BCAS3: variants seen among roughly 807,000 people sequenced by gnomAD.
The protein encoded by BCAS3 is BCAS3 microtubule associated cell migration factor, also known as BCAS4/BCAS3 fusion.
Under a neutral mutation model 116.1 loss-of-function variants are expected in BCAS3, and 53 were observed. The observed-to-expected ratio is 0.46, with a 90% CI of 0.37 to 0.57. BCAS3 has a LOEUF of 0.57. BCAS3 is among the 20% of genes least tolerant of loss of function. The pLI, the probability that BCAS3 is intolerant of heterozygous loss-of-function variation, is 0.00. For missense variants in BCAS3, 917 were observed against 1,165.4 expected, an observed-to-expected ratio of 0.79 and a Z score of 3.10; for synonymous variants, 391 against 408.2, an observed-to-expected ratio of 0.96 and a Z score of 0.51.
intron 22 of BCAS3, among the ~76,000 whole-genome samples, chr17:61,109,344 C>T (rs889457863): frequency 1.3e-5 from 2 of 151,210 alleles, no homozygotes; most frequent in Admixed American, 6.6e-5. Flanking sequence ...TTTATCTACT[C>T]GCTGATTAAT....
chr17:61,340,501 G>C (rs767284471), intron 22 of BCAS3, among the ~76,000 whole-genome samples: 64 of 152,326 alleles, frequency 4.2e-4, no homozygotes, highest in South Asian at 2.1e-3. Context: ...GAGGGTGAAA[G>C]AGTGAATGCG....
rs1414443338 is a variant in BCAS3, at chr17:61,233,228, G to A, written c.2426-135099G>A. Reference sequence around the variant, plus strand: ...GAGGTGATAAAGATTAGAGCTGATTGGGAAGGTTCTGAATGCCCAAGTTTC... The same window carrying A: ...GAGGTGATAAAGATTAGAGCTGATTAGGAAGGTTCTGAATGCCCAAGTTTC... On this transcript the variant is annotated intron_variant, in intron 22 of 23. Transcript: ENST00000407086. This position sits in a 1 kb window ranked among gnomAD's most constrained non-coding sequence, Gnocchi z 4.3. Among the ~76,000 whole-genome samples the A allele has an allele frequency of 6.6e-6, 1 of 152,172 alleles. No individual in the cohort carries two copies. The highest frequency in any genetic ancestry group is 1.5e-5 in the Non-Finnish European group (1 of 68,018).
rs527958277 is a variant in BCAS3 at position 61,076,390 on chromosome 17, G to A, written c.2130+1370G>A. Among the ~76,000 whole-genome samples the A allele has an allele frequency of 2.2e-4, 34 of 152,292 alleles. No homozygotes were observed. The South Asian group carries it at 7.0e-3, about 32-fold the overall frequency. On this transcript the variant is annotated intron_variant, in intron 20 of 23. Transcript: ENST00000407086. ...AAACTGGAAAATCAAGCAGTGTCTA[G>A]GTAACATGTATTTATTTCATCACAC... is the stretch of plus-strand genomic sequence containing the variant.
intron 5 of BCAS3, among the ~76,000 whole-genome samples, chr17:60,726,430 C>T (rs1335255222): frequency 1.1e-4 from 16 of 151,624 alleles, no homozygotes; most frequent in African/African-American, 3.4e-4. Context: ...GAACTCCTGA[C>T]CTCAGGTGAT....
chr17:61,045,845 CTCTCTA>C (rs1162069384), intron 19 of BCAS3, among the ~76,000 whole-genome samples: 1 of 3,704 alleles, frequency 2.7e-4, no homozygotes, highest in African/African-American at 9.2e-4. Flanking sequence ...CTCTCTCTCT[CTCTCTA>C]TATATATATA....
Position 61,332,437 on chromosome 17 carries a change from A to C in BCAS3, c.2426-35890A>C, listed in dbSNP as rs1568872956. Reference sequence around the variant, plus strand: ...CTTGCCATGTTTGTGAGGGGCAAACACTTCACTGGTTGGTAGGGCTTATGG... The same window carrying C: ...CTTGCCATGTTTGTGAGGGGCAAACCCTTCACTGGTTGGTAGGGCTTATGG... On this transcript the variant is annotated intron_variant, in intron 22 of 23. Coordinates refer to ENST00000407086, the MANE Select transcript of BCAS3 (RefSeq NM_017679.5). The surrounding 1 kb of genome is among the most constrained non-coding windows in gnomAD (Gnocchi z 5.4). Among the ~76,000 whole-genome samples the C allele has an allele frequency of 6.6e-6, 1 of 152,006 alleles. No individual in the cohort carries two copies. The highest frequency in any genetic ancestry group is 1.5e-5 in the Non-Finnish European group (1 of 68,002).
At position 61,380,829 on chromosome 17, in the gene BCAS3, C is replaced by T. The variant is rs971772050; in HGVS notation, c.2594-11148C>T. Among the ~76,000 whole-genome samples the T allele has an allele frequency of 5.9e-5, 9 of 152,308 alleles. No individual in the cohort carries two copies. Among genetic ancestry groups the T allele is most frequent in the Admixed American group, 4.6e-4 (7 of 15,304 alleles). ...ACTTTGAAGATGGAAGTGAAATTTT[C>T]GGACTCTGCTGTGCAGAGCAGGGAG... is the stretch of plus-strand genomic sequence containing the variant. On this transcript the variant is annotated intron_variant, in intron 23 of 23. Coordinates refer to ENST00000407086, the MANE Select transcript of BCAS3 (RefSeq NM_017679.5). The surrounding 1 kb of genome is among the most constrained non-coding windows in gnomAD (Gnocchi z 4.2).
At position 61,060,957 on chromosome 17, in the gene BCAS3, G is replaced by C. The variant is rs1239279351; in HGVS notation, c.2030-13963G>C. Among the ~76,000 whole-genome samples the C allele has an allele frequency of 3.9e-5, 6 of 152,150 alleles. No homozygotes were observed. In the East Asian group the frequency reaches 1.2e-3, roughly 29 times the overall value. ...GAGTAGGCAAGGAAGATCAAGCCTG[G>C]AAAATGCTCTTCTTACTTTTGGAAA... On this transcript the variant is annotated intron_variant, in intron 19 of 23. Coordinates refer to ENST00000407086, the MANE Select transcript of BCAS3 (RefSeq NM_017679.5).
intron 5 of BCAS3, among the ~76,000 whole-genome samples, chr17:60,732,667 C>T (rs567470104): frequency 3.9e-5 from 6 of 152,118 alleles, no homozygotes; most frequent in East Asian, 1.9e-4. Context: ...GGTGAAACCC[C>T]GTGTCTACTA....
chr17:61,333,191 C>CA lies in BCAS3; in HGVS notation c.2426-35133dup, dbSNP rs1251453336. ...GAGGACACCTGTGTGATCAGAGAAA[C>CA]AAAGTCTGGTGAGAGGAGCAAGTGC... On this transcript the variant is annotated intron_variant, in intron 22 of 23. Transcript: ENST00000407086. This position sits in a 1 kb window ranked among gnomAD's most constrained non-coding sequence, Gnocchi z 4.8. Among the ~76,000 whole-genome samples the CA allele has an allele frequency of 6.6e-6, 1 of 152,158 alleles. No homozygotes were observed. The highest frequency in any genetic ancestry group is 2.4e-5 in the African/African-American group (1 of 41,426).
chr17:61,152,952 C>T (rs2077621471), intron 22 of BCAS3, among the ~76,000 whole-genome samples: 1 of 152,190 alleles, frequency 6.6e-6, no homozygotes, highest in Middle Eastern at 3.2e-3. Context: ...TTTTCTACTT[C>T]CTTCTTTTGA....
chr17:61,373,733 CTG>C (rs1568967276), intron 23 of BCAS3, among the ~76,000 whole-genome samples: 3 of 148,780 alleles, frequency 2.0e-5, no homozygotes, highest in African/African-American at 4.9e-5. Context: ...TGCCCAGCCC[CTG>C]TTTAAAGTAT....
Position 61,233,695 on chromosome 17 carries a change from T to G in BCAS3, c.2426-134632T>G, listed in dbSNP as rs114504630. On this transcript the variant is annotated intron_variant, in intron 22 of 23. Coordinates refer to ENST00000407086, the MANE Select transcript of BCAS3 (RefSeq NM_017679.5). The surrounding 1 kb of genome is among the most constrained non-coding windows in gnomAD (Gnocchi z 4.3). ...TTTCTTTTACTTAAAAATGAAAGCA[T>G]GGATTAGGCTAGCTCTTCGTCAAAC... Among the ~76,000 whole-genome samples the G allele has an allele frequency of 4.3e-3, 658 of 152,342 alleles. 6 individuals carry two copies. Among genetic ancestry groups the G allele is most frequent in the African/African-American group, 0.015 (624 of 41,582 alleles).
intron 7 of BCAS3, 65 bp downstream of exon 7, chr17:60,808,141 C>A (rs1290964448): frequency 5.4e-6 from 6 of 1,119,724 alleles, no homozygotes; most frequent in African/African-American, 4.7e-5. Context: ...AGAGGGAGAA[C>A]TTTGATGTTA....
chr17:60,866,587 A>C (rs1255849283), intron 7 of BCAS3, among the ~76,000 whole-genome samples: 1 of 152,194 alleles, frequency 6.6e-6, no homozygotes, highest in Non-Finnish European at 1.5e-5. Flanking sequence ...CTACCTTACG[A>C]AAGAGTTCAT....
chr17:60,864,822 A>G (rs935838677), intron 7 of BCAS3, among the ~76,000 whole-genome samples: 12 of 152,162 alleles, frequency 7.9e-5, no homozygotes, highest in African/African-American at 2.4e-4. Context: ...TCAAATGAAC[A>G]CTTAGAGGCT....
At position 61,083,939 on chromosome 17, in the gene BCAS3, G is replaced by A. The variant is rs1407183307; in HGVS notation, c.2328-528G>A. On this transcript the variant is annotated intron_variant, in intron 21 of 23. Coordinates refer to ENST00000407086, the MANE Select transcript of BCAS3 (RefSeq NM_017679.5). This position sits in a 1 kb window ranked among gnomAD's most constrained non-coding sequence, Gnocchi z 4.9. ...AGCTCAGTTAGTAGTGACCCACCCCGGCCACAGTACATCTTTGTTATCCTA... is the reference window on the plus strand; with the variant it reads ...AGCTCAGTTAGTAGTGACCCACCCCAGCCACAGTACATCTTTGTTATCCTA... Among the ~76,000 whole-genome samples the A allele has an allele frequency of 6.6e-6, 1 of 151,544 alleles. No individual in the cohort carries two copies. Among genetic ancestry groups the A allele is most frequent in the Non-Finnish European group, 1.5e-5 (1 of 67,842 alleles).
At position 60,742,227 on chromosome 17, in the gene BCAS3, G is replaced by A. The variant is rs528130168; in HGVS notation, c.322-4971G>A. Among the ~76,000 whole-genome samples the A allele has an allele frequency of 2.6e-4, 39 of 152,184 alleles. No individual in the cohort carries two copies. The Middle Eastern group carries it at 0.02, about 80-fold the overall frequency. On this transcript the variant is annotated intron_variant, in intron 5 of 23. Coordinates refer to ENST00000407086, the MANE Select transcript of BCAS3 (RefSeq NM_017679.5). The stretch of plus-strand genomic sequence containing the variant: ...AATTCATTTGCATTTCTGTGCACAA[G>A]AATCAATTGCATTACTATCAGTTTT...
chr17:60,946,350 A>T (rs76446285), intron 13 of BCAS3, among the ~76,000 whole-genome samples: 2,061 of 152,336 alleles, frequency 0.014, 53 homozygotes, highest in African/African-American at 0.047. Context: ...AATGTAAAAC[A>T]TAAAATTATG....
Sources: gnomAD v4.1 joint callset for allele counts (sites outside exome capture counted in the v4.1 genomes callset) on GRCh38, gnomAD v4.1.1 for gene constraint, Gnocchi (gnomAD v3.1) non-coding constraint, MANE v1.5 for transcripts, NCBI Gene and HGNC (gene_info 2026-07-23, HGNC 2026-07-21) for gene names.